The following ABCG1 variants were observed in gnomAD, a reference collection of about 807,000 sequenced individuals.
ABCG1 encodes the protein ATP binding cassette subfamily G member 1.
A neutral mutation model predicts 69.2 loss-of-function variants in ABCG1; 29 were observed. That is an observed-to-expected ratio of 0.42 (90% confidence interval 0.31 to 0.57). ABCG1 has a LOEUF of 0.57. Ranked by LOEUF, ABCG1 falls within the 20% of genes least tolerant of loss-of-function variation. The pLI is 0.15. For missense variants in ABCG1, 718 were observed against 898.1 expected, an observed-to-expected ratio of 0.80 and a Z score of 2.56; for synonymous variants, 370 against 374.8, an observed-to-expected ratio of 0.99 and a Z score of 0.15.
intron 1 of ABCG1, among the ~76,000 whole-genome samples, chr21:42,222,398 C>T (rs2067743153): frequency 6.6e-6 from 1 of 152,182 alleles, no homozygotes; most frequent in Admixed American, 6.5e-5. Flanking sequence ...CATTGCTTTG[C>T]TGTTGGCTTA....
Position 42,276,734 on chromosome 21 carries a change from C to A in ABCG1, c.538-161C>A. The A allele has an allele frequency of 1.4e-6, 1 of 691,100 alleles. No individual in the cohort carries two copies. Among genetic ancestry groups the A allele is most frequent in the Non-Finnish European group, 2.5e-6 (1 of 396,338 alleles). The allele number at this position is 691,100 out of a possible 1,614,324, so 42.8% of individuals were successfully genotyped here. On this transcript the variant is annotated intron_variant, in intron 4 of 14. Coordinates refer to ENST00000398449, the MANE Select transcript of ABCG1 (RefSeq NM_016818.3). The surrounding 1 kb of genome is among the most constrained non-coding windows in gnomAD (Gnocchi z 5.3). ...TGGCTAGCTGCACCGTGGCTAGCGG[C>A]ATTGTGGCTAGCTGCACTGTGGGTA...
At chr21:42,249,439 A>G (rs892337882) in intron 2 of ABCG1, among the ~76,000 whole-genome samples, 31 of 152,180 alleles carry the variant, frequency 2.0e-4, no homozygotes, top group African/African-American at 7.2e-4. Context: ...CTTACTAGCT[A>G]TGGTTCTTGG....
In ABCG1 at chr21:42,276,632, G is replaced by A. The variant is rs910480997; in HGVS notation, c.538-263G>A. ...CTAGTGGCACCGTGGCTAGCTGCATGGTGGCTAGTTGCACCGTGGCTAGTG... is the reference window on the plus strand; with the variant it reads ...CTAGTGGCACCGTGGCTAGCTGCATAGTGGCTAGTTGCACCGTGGCTAGTG... On this transcript the variant is annotated intron_variant, in intron 4 of 14. Transcript: ENST00000398449. The surrounding 1 kb of genome is among the most constrained non-coding windows in gnomAD (Gnocchi z 5.3). 6.8e-6 allele frequency: 3 copies of A among 443,406 alleles called. No individual in the cohort carries two copies. The highest frequency in any genetic ancestry group is 1.2e-5 in the Non-Finnish European group (3 of 247,250). 27.5% of individuals were successfully genotyped at this position (443,406 alleles called of 1,614,324 possible).
chr21:42,212,529 C>T (rs1050743712), upstream of ABCG1, among the ~76,000 whole-genome samples: 2 of 152,096 alleles, frequency 1.3e-5, no homozygotes, highest in Non-Finnish European at 2.9e-5. Flanking sequence ...TGACAGAGGG[C>T]AGAGGACTTG....
At chr21:42,282,462 A>C in intron 6 of ABCG1, 43 bp downstream of exon 6, 8 of 1,561,328 alleles carry the variant, frequency 5.1e-6, no homozygotes, top group East Asian at 2.3e-5. Context: ...GGCAGGAAGA[A>C]CCCCCTGTAT....
chr21:42,282,756 G>A (rs796825535), intron 6 of ABCG1, among the ~76,000 whole-genome samples: 2 of 152,346 alleles, frequency 1.3e-5, no homozygotes, highest in African/African-American at 2.4e-5. Context: ...CCTGGGAAAC[G>A]GTGTGTCTTC....
intron 8 of ABCG1, among the ~76,000 whole-genome samples, chr21:42,286,379 G>A (rs775364526): frequency 2.3e-4 from 35 of 152,262 alleles, no homozygotes; most frequent in Non-Finnish European, 3.2e-4. Context: ...CTCCTCCTTC[G>A]CCTTCCAGCC....
At chr21:42,243,345 G>C (rs2068079382) in intron 2 of ABCG1, among the ~76,000 whole-genome samples, 1 of 152,134 alleles carries the variant, frequency 6.6e-6, no homozygotes, top group African/African-American at 2.4e-5. Context: ...CAGGGCAGAA[G>C]TGCCTGGATT....
chr21:42,243,954 G>A (rs1297514444), intron 2 of ABCG1, among the ~76,000 whole-genome samples: 1 of 151,684 alleles, frequency 6.6e-6, no homozygotes, highest in Non-Finnish European at 1.5e-5. Flanking sequence ...GAATAGCTGG[G>A]ACTACAGGCG....
chr21:42,200,264 G>A (rs1260929011), intron 1 of ABCG1, among the ~76,000 whole-genome samples: 4 of 152,340 alleles, frequency 2.6e-5, no homozygotes, highest in Middle Eastern at 3.4e-3. Flanking sequence ...GGTGAGGCCG[G>A]CTTGGTGGCT....
intron 2 of ABCG1, among the ~76,000 whole-genome samples, chr21:42,254,610 C>T (rs2068273092): frequency 1.3e-5 from 2 of 152,232 alleles, no homozygotes; most frequent in Admixed American, 1.3e-4. Context: ...TTGATCAGCG[C>T]GTGGCTTTGC....
In ABCG1 at chr21:42,246,748, C is replaced by T. The variant is rs540214104; in HGVS notation, c.286+20834C>T. Among the ~76,000 whole-genome samples the T allele has an allele frequency of 2.7e-4, 41 of 152,218 alleles. 1 individual carries two copies. The South Asian group carries it at 7.9e-3, about 29-fold the overall frequency. On this transcript the variant is annotated intron_variant, in intron 2 of 14. Transcript: ENST00000398449. Reference sequence around the variant, plus strand: ...CATTTCATAGATTAGAAACCCAAGGCGCAGGCTGAGATTTTTAGTTTAAAA... The same window carrying T: ...CATTTCATAGATTAGAAACCCAAGGTGCAGGCTGAGATTTTTAGTTTAAAA...
At chr21:42,223,819 T>C (rs2067769976) in intron 1 of ABCG1, among the ~76,000 whole-genome samples, 1 of 151,966 alleles carries the variant, frequency 6.6e-6, no homozygotes, top group Non-Finnish European at 1.5e-5. Flanking sequence ...AGATGGGTGG[T>C]GTGGTGGCCA....
chr21:42,292,644 C>G (rs1257925236), intron 13 of ABCG1, among the ~76,000 whole-genome samples: 1 of 150,786 alleles, frequency 6.6e-6, no homozygotes, highest in African/African-American at 2.4e-5. Flanking sequence ...ACACTACACA[C>G]ACACCACACT....
intron 2 of ABCG1, among the ~76,000 whole-genome samples, chr21:42,203,025 C>T (rs943324607): frequency 2.0e-5 from 3 of 152,158 alleles, no homozygotes; most frequent in Admixed American, 1.3e-4. Flanking sequence ...CTCAAAGATA[C>T]AAAGCAAATC....
In ABCG1 at chr21:42,288,732, G is replaced by GAAGGGA. The variant is rs548157699; in HGVS notation, c.1224+433_1224+438dup. Among the ~76,000 whole-genome samples the GAAGGGA allele has an allele frequency of 3.4e-3, 518 of 151,690 alleles. 2 individuals are homozygous for GAAGGGA. The highest frequency in any genetic ancestry group is 0.012 in the African/African-American group (491 of 41,324). On this transcript the variant is annotated intron_variant, in intron 10 of 14. Coordinates refer to ENST00000398449, the MANE Select transcript of ABCG1 (RefSeq NM_016818.3). The surrounding 1 kb of genome is among the most constrained non-coding windows in gnomAD (Gnocchi z 4.8). ...TGAAAAAGAAAGAAAGGAAAGAAAGGAAGGGAAAGGGAAAGGGAGAAAGGA... is the reference window on the plus strand; with the variant it reads ...TGAAAAAGAAAGAAAGGAAAGAAAGGAAGGGAAAGGGAAAGGGAAAGGGAGAAAGGA...
chr21:42,286,692 G>A (rs1282376912), intron 8 of ABCG1, among the ~76,000 whole-genome samples: 1 of 152,234 alleles, frequency 6.6e-6, no homozygotes, highest in Non-Finnish European at 1.5e-5. Context: ...GGCAGGGGAG[G>A]TGAGGTCTGA....
chr21:42,225,136 T>C (rs1028436372), intron 1 of ABCG1, among the ~76,000 whole-genome samples: 2 of 152,190 alleles, frequency 1.3e-5, no homozygotes, highest in Admixed American at 1.3e-4. Flanking sequence ...TGTAAGTGAT[T>C]TGGAAATTTT....
intron 6 of ABCG1, 55 bp from the exon 7 acceptor site, chr21:42,284,505 G>A: frequency 6.3e-7 from 1 of 1,595,656 alleles, no homozygotes; most frequent in East Asian, 2.2e-5. Flanking sequence ...GGAACCTGGG[G>A]CAGTGGCTAG....
Sources: gnomAD v4.1 joint callset for allele counts (sites outside exome capture counted in the v4.1 genomes callset) on GRCh38, gnomAD v4.1.1 for gene constraint, Gnocchi (gnomAD v3.1) non-coding constraint, MANE v1.5 for transcripts, NCBI Gene and HGNC (gene_info 2026-07-23, HGNC 2026-07-21) for gene names.